Variants in RP1L1 observed in about 807,000 individuals in gnomAD.
The protein encoded by RP1L1 is RP1 like 1.
A neutral mutation model predicts 15.7 loss-of-function variants in RP1L1; 27 were observed. The ratio of observed to expected loss-of-function variants is 1.72; its 90% CI spans 1.27 to 2.38. The LOEUF (loss-of-function observed/expected upper bound fraction) is 2.38, where lower values mean the gene tolerates loss of function less well. RP1L1 is among the 30% of genes most tolerant of loss of function. The pLI is 0.00. For missense variants in RP1L1, 4,798 were observed against 3,075.9 expected, an observed-to-expected ratio of 1.56 and a Z score of -13.24; for synonymous variants, 1,813 against 1,276.7, an observed-to-expected ratio of 1.42 and a Z score of -8.96.
At chr8:10,644,732 C>T (rs1465514261) in intron 1 of RP1L1, among the ~76,000 whole-genome samples, 1 of 152,222 alleles carries the variant, frequency 6.6e-6, no homozygotes, top group Non-Finnish European at 1.5e-5. Flanking sequence ...ACAGCTCTCA[C>T]ACCAGCCACC....
chr8:10,620,372 G>A (rs1484241321), intron 2 of RP1L1, among the ~76,000 whole-genome samples: 5 of 152,124 alleles, frequency 3.3e-5, no homozygotes, highest in South Asian at 2.1e-4. Context: ...TTGGGAGGCC[G>A]AGGCAGATGA....
rs1425154127 is a variant in RP1L1, at chr8:10,628,470, T to G, written c.-19-5250A>C. The stretch of plus-strand genomic sequence containing the variant: ...ATGGGCTCCTGCAGCTCATCATAGA[T>G]GCACCCTCCACCCCCAGCCCCAGAG... On this transcript the variant is annotated intron_variant, in intron 1 of 3. Coordinates refer to ENST00000382483, the MANE Select transcript of RP1L1 (RefSeq NM_178857.6). Among the ~76,000 whole-genome samples, 4 of 151,982 alleles carry G rather than the reference T, an allele frequency of 2.6e-5. No individual in the cohort carries two copies. The South Asian group carries it at 8.3e-4, about 32-fold the overall frequency.
chr8:10,651,721 C>T (rs1798565236), intron 1 of RP1L1, among the ~76,000 whole-genome samples: 1 of 148,464 alleles, frequency 6.7e-6, no homozygotes, highest in African/African-American at 2.5e-5. Flanking sequence ...CACGCCTCTG[C>T]ACTCCAGCCT....
chr8:10,648,180 T>C (rs888511354), intron 1 of RP1L1, among the ~76,000 whole-genome samples: 8 of 152,052 alleles, frequency 5.3e-5, no homozygotes, highest in African/African-American at 1.9e-4. Flanking sequence ...TATAGGCATG[T>C]GCCACCATGC....
Position 10,607,303 on chromosome 8 carries a change from A to G in RP1L1, c.6795T>C (p.Ala2265=). The G allele has an allele frequency of 6.2e-7, 1 of 1,614,162 alleles. No homozygotes were observed. Among genetic ancestry groups the G allele is most frequent in the South Asian group, 1.1e-5 (1 of 91,080 alleles). ...VSLGDGQSEE[A]SESSSPVPED... Reference sequence around the variant, plus strand: ...CAGGGACTGGGCTGCTGCTTTCAGAAGCCTCCTCAGATTGGCCATCTCCTA... The same window carrying G: ...CAGGGACTGGGCTGCTGCTTTCAGAGGCCTCCTCAGATTGGCCATCTCCTA... Residue 2265 remains alanine (A), a synonymous_variant, in exon 4 of 4, where the codon GCT becomes GCC. Coordinates refer to ENST00000382483, the MANE Select transcript of RP1L1 (RefSeq NM_178857.6).
intron 1 of RP1L1, among the ~76,000 whole-genome samples, chr8:10,638,699 A>G (rs1254408373): frequency 6.6e-6 from 1 of 152,244 alleles, no homozygotes; most frequent in Non-Finnish European, 1.5e-5. Flanking sequence ...CTGCAAAGAA[A>G]GAGTTAACGT....
chr8:10,625,221 G>A (rs28605304), intron 1 of RP1L1, among the ~76,000 whole-genome samples: 44,683 of 152,030 alleles, frequency 0.29, 7,065 homozygotes, highest in Middle Eastern at 0.38. Context: ...CTGGGTGGGC[G>A]CCAGGCCGCG....
chr8:10,622,632 G>A lies in RP1L1; in HGVS notation c.570C>T (p.Arg190=), dbSNP rs774516490. The change falls in exon 2 of 4, where the codon CGC becomes CGT. Residue 190 remains arginine, a synonymous_variant. Coordinates refer to ENST00000382483, the MANE Select transcript of RP1L1 (RefSeq NM_178857.6). ...AFLGKASDLL[R]FPVKQLYTTS... ...TCGTGTACAACTGCTTCACAGGAAA[G>A]CGCAGGAGATCTGAGGCTTTGCCGA... is the stretch of plus-strand genomic sequence containing the variant. The A allele has an allele frequency of 1.2e-6, 2 of 1,614,250 alleles. No individual in the cohort carries two copies. Among genetic ancestry groups the A allele is most frequent in the East Asian group, 2.2e-5 (1 of 44,882 alleles).
chr8:10,631,352 CAT>C (rs35931498), intron 1 of RP1L1, among the ~76,000 whole-genome samples: 61,330 of 103,598 alleles, frequency 0.59, 15,466 homozygotes, highest in East Asian at 0.94. Flanking sequence ...CACGCACACA[CAT>C]GCACACAAAC....
intron 2 of RP1L1, among the ~76,000 whole-genome samples, chr8:10,618,643 G>C (rs1798009481): frequency 6.6e-6 from 1 of 152,154 alleles, no homozygotes; most frequent in Non-Finnish European, 1.5e-5. Flanking sequence ...AATGAGCTGA[G>C]ATTGGGCCAC....
At position 10,612,733 on chromosome 8, in the gene RP1L1, TG is replaced by T. The variant is rs752989587; in HGVS notation, c.1364del (p.Pro455GlnfsTer35). 6.2e-7 allele frequency: 1 copy of T among 1,606,614 alleles called. No homozygotes were observed. The highest frequency in any genetic ancestry group is 1.1e-5 in the South Asian group (1 of 91,052). The part of the protein sequence containing the change: ...RERCSQDSAS[P>X]ASSTGLPEGS... ...CCTCGGGGAGGCCGGTGCTGGAGGC[TG>T]GGCTGGCACTGTCCTGGCTGCATCT... On this transcript the variant is annotated frameshift_variant, in exon 4 of 4. Coordinates refer to ENST00000382483, the MANE Select transcript of RP1L1 (RefSeq NM_178857.6). LOFTEE classifies it low-confidence loss of function (END_TRUNC).
At position 10,622,953 on chromosome 8, in the gene RP1L1, T is replaced by C. The variant is rs201392821; in HGVS notation, c.249A>G (p.Thr83=). The C allele has an allele frequency of 5.4e-4, 869 of 1,613,796 alleles. 4 individuals carry two copies. The highest frequency in any genetic ancestry group is 4.9e-3 in the African/African-American group (365 of 74,940). ...CGCTGAGGCTATGCAGGCCCCGGGG[T>C]GTGGTGACAGAGCGCACCCCAAAGG... ...PLSFGVRSVT[T]PRGLHSLSAL... is the part of the protein sequence containing the mutation. The change falls in exon 2 of 4, where the codon ACA becomes ACG. Residue 83 remains threonine, a synonymous_variant. Coordinates refer to ENST00000382483, the MANE Select transcript of RP1L1 (RefSeq NM_178857.6).
intron 1 of RP1L1, among the ~76,000 whole-genome samples, chr8:10,649,856 T>G (rs1214842685): frequency 1.3e-5 from 2 of 152,168 alleles, no homozygotes; most frequent in Non-Finnish European, 2.9e-5. Flanking sequence ...AGATAGTGGA[T>G]GCGGCCGATA....
At chr8:10,637,010 G>C (rs984728541) in intron 1 of RP1L1, among the ~76,000 whole-genome samples, 3 of 152,220 alleles carry the variant, frequency 2.0e-5, no homozygotes, top group African/African-American at 7.2e-5. Flanking sequence ...CCACTCTGCA[G>C]TGTACAAAGC....
intron 3 of RP1L1, among the ~76,000 whole-genome samples, chr8:10,614,505 CA>C (rs1179329304): frequency 6.6e-6 from 1 of 151,702 alleles, no homozygotes; most frequent in African/African-American, 2.4e-5. Flanking sequence ...ACTAAAAGCA[CA>C]AAAAAATAGC....
chr8:10,645,065 G>A lies in RP1L1; in HGVS notation c.-20+9833C>T, dbSNP rs779487842. 1.5e-3 allele frequency among the ~76,000 whole-genome samples: 230 copies of A among 152,326 alleles called. 1 individual carries two copies. The highest frequency in any genetic ancestry group is 5.1e-3 in the African/African-American group (213 of 41,562). On this transcript the variant is annotated intron_variant, in intron 1 of 3. Transcript: ENST00000382483. ...TGTAGGATTGGGCATGGTGGCTCAT[G>A]CCTGTAATTTCAGAACTTTGGGGGG...
chr8:10,611,087 C>G lies in RP1L1; in HGVS notation c.3011G>C (p.Gly1004Ala), dbSNP rs1464655210. The G allele has an allele frequency of 1.2e-6, 2 of 1,612,880 alleles. No individual in the cohort carries two copies. The highest frequency in any genetic ancestry group is 4.5e-5 in the East Asian group (2 of 44,878). Reference sequence around the variant, plus strand: ...CTGCTGTCCCGCCTGAGCTGGCTCCCCCAGGCCTTCCAGAGAATGGTCATC... The same window carrying G: ...CTGCTGTCCCGCCTGAGCTGGCTCCGCCAGGCCTTCCAGAGAATGGTCATC... ...PGDDHSLEGL[G>A]EPAQAGQQSL... Residue 1004 changes from glycine (G) to alanine (A), a missense_variant, in exon 4 of 4, where the codon GGG (glycine) becomes GCG (alanine). Transcript: ENST00000382483.
chr8:10,623,690 G>A (rs1248318421), intron 1 of RP1L1, among the ~76,000 whole-genome samples: 2 of 150,158 alleles, frequency 1.3e-5, no homozygotes, highest in African/African-American at 2.5e-5. Context: ...GCACCTCCAT[G>A]TTCCCAGGAC....
chr8:10,647,138 A>G (rs1366799886), intron 1 of RP1L1, among the ~76,000 whole-genome samples: 2 of 152,298 alleles, frequency 1.3e-5, no homozygotes, highest in African/African-American at 4.8e-5. Context: ...GTTTCCACTG[A>G]GGCGCCACGG....
Sources: gnomAD v4.1 joint callset for allele counts (sites outside exome capture counted in the v4.1 genomes callset) on GRCh38, gnomAD v4.1.1 for gene constraint, MANE v1.5 for transcripts, NCBI Gene and HGNC (gene_info 2026-07-23, HGNC 2026-07-21) for gene names.